Variants in NDST4 observed in about 807,000 individuals in gnomAD.
NDST4 encodes N-deacetylase and N-sulfotransferase 4, also known as N-heparan sulfate sulfotransferase 4.
Under a neutral mutation model 100.8 loss-of-function variants are expected in NDST4, and 63 were observed. The observed-to-expected ratio is 0.62, with a 90% confidence interval of 0.51 to 0.77. The LOEUF is 0.77. NDST4 is among the 30% of genes least tolerant of loss of function. The pLI, the probability that NDST4 is intolerant of heterozygous loss-of-function variation, is 0.00. For synonymous variants in NDST4, 377 were observed against 361.8 expected (o/e 1.04, Z -0.48); for missense variants, 943 against 1,018.4 (o/e 0.93, Z 1.01).
At chr4:114,928,818 T>A in intron 6 of NDST4, among the ~76,000 whole-genome samples, 1 of 152,086 alleles carries the variant, frequency 6.6e-6, no homozygotes, top group Non-Finnish European at 1.5e-5. Flanking sequence ...ACACTGTTTT[T>A]TCTTCTCTGC....
chr4:114,977,259 G>C lies in NDST4; in HGVS notation c.994C>G (p.Gln332Glu). ...VKDVKALLET[Q>E]NLLRTQVANF... Reference sequence around the variant, plus strand: ...GCAACCTGAGTGCGCAGTAAATTTTGAGTCTCTAGTAATGCCTGAAATAAA... The same window carrying C: ...GCAACCTGAGTGCGCAGTAAATTTTCAGTCTCTAGTAATGCCTGAAATAAA... Residue 332 changes from glutamine (Q) to glutamate (E), a missense_variant, in exon 3 of 14, where the codon CAA (glutamine) becomes GAA (glutamate). Around this residue, in one of 2 missense-constraint regions of NDST4, gnomAD observed 417 missense variants for 384.2 expected, o/e 1.09. Coordinates refer to ENST00000264363, the MANE Select transcript of NDST4 (RefSeq NM_022569.3). The C allele has an allele frequency of 1.2e-6, 2 of 1,607,552 alleles. No individual in the cohort carries two copies. Among genetic ancestry groups the C allele is most frequent in the Non-Finnish European group, 8.5e-7 (1 of 1,175,670 alleles).
intron 2 of NDST4, among the ~76,000 whole-genome samples, chr4:114,977,858 C>T (rs1726673013): frequency 1.3e-5 from 2 of 151,860 alleles, no homozygotes; most frequent in Admixed American, 1.3e-4. Context: ...AATAGATACC[C>T]CTTTTTGTTA....
chr4:114,935,711 G>A (rs1380164840), intron 5 of NDST4, among the ~76,000 whole-genome samples: 4 of 152,158 alleles, frequency 2.6e-5, no homozygotes, highest in South Asian at 4.2e-4. Context: ...TTCTGAAATC[G>A]AGTCCTGCAT....
chr4:115,071,013 G>C (rs566819818), intron 2 of NDST4, among the ~76,000 whole-genome samples: 1 of 152,040 alleles, frequency 6.6e-6, no homozygotes, highest in East Asian at 1.9e-4. Context: ...GCTGAGGCAG[G>C]AGAATTGCTT....
intron 2 of NDST4, among the ~76,000 whole-genome samples, chr4:115,019,851 T>C (rs1458666811): frequency 2.6e-5 from 4 of 152,080 alleles, no homozygotes; most frequent in Admixed American, 2.6e-4. Flanking sequence ...ACAAACTCAA[T>C]TGTGCTTTTG....
Position 114,872,230 on chromosome 4 carries a change from A to G in NDST4, c.1537-1280T>C, listed in dbSNP as rs182588823. 1.1e-3 allele frequency among the ~76,000 whole-genome samples: 174 copies of G among 152,124 alleles called. 2 individuals are homozygous for G. The highest frequency in any genetic ancestry group is 3.9e-3 in the African/African-American group (163 of 41,554). ...TAAATGTCTAAAGAGGAGGCCTTTTATCTTAAAAAATAATAGAAGCATTAT... is the reference window on the plus strand; with the variant it reads ...TAAATGTCTAAAGAGGAGGCCTTTTGTCTTAAAAAATAATAGAAGCATTAT... On this transcript the variant is annotated intron_variant, in intron 6 of 13. Coordinates refer to ENST00000264363, the MANE Select transcript of NDST4 (RefSeq NM_022569.3).
intron 7 of NDST4, 150 bp downstream of exon 7, chr4:114,870,618 G>A: frequency 1.7e-6 from 1 of 583,452 alleles, no homozygotes. Context: ...AGCAAAAATT[G>A]TTGAGGAAGA....
chr4:115,059,402 G>A (rs1389072400), intron 2 of NDST4, among the ~76,000 whole-genome samples: 1 of 152,018 alleles, frequency 6.6e-6, no homozygotes, highest in African/African-American at 2.4e-5. Context: ...ATGGAAAAGG[G>A]TTTCATATGG....
intron 7 of NDST4, among the ~76,000 whole-genome samples, chr4:114,866,404 C>G (rs1724026651): frequency 6.6e-6 from 1 of 152,148 alleles, no homozygotes; most frequent in Admixed American, 6.5e-5. Flanking sequence ...TCCTAATTGC[C>G]TATCAAATTC....
intron 2 of NDST4, among the ~76,000 whole-genome samples, chr4:115,029,457 C>A (rs111656324): frequency 6.6e-6 from 1 of 152,036 alleles, no homozygotes; most frequent in East Asian, 1.9e-4. Flanking sequence ...AGATTGGAAC[C>A]AGAAAAAAGT....
At chr4:115,061,098 G>T (rs1270048240) in intron 2 of NDST4, among the ~76,000 whole-genome samples, 2 of 152,040 alleles carry the variant, frequency 1.3e-5, no homozygotes, top group African/African-American at 4.8e-5. Context: ...TTAGAGAAAT[G>T]CAAATCAAAA....
chr4:115,107,853 T>C (rs1729861885), intron 1 of NDST4, among the ~76,000 whole-genome samples: 1 of 152,052 alleles, frequency 6.6e-6, no homozygotes, highest in Non-Finnish European at 1.5e-5. Context: ...GAAAAATATG[T>C]CCAGACAGAT....
At chr4:115,071,313 CACACACATT>C (rs1729074049) in intron 2 of NDST4, among the ~76,000 whole-genome samples, 1 of 146,164 alleles carries the variant, frequency 6.8e-6, no homozygotes, top group Non-Finnish European at 1.5e-5. Flanking sequence ...CACACACACA[CACACACATT>C]GATAGAGGGA....
chr4:115,001,941 C>T (rs538491078), intron 2 of NDST4, among the ~76,000 whole-genome samples: 2 of 152,300 alleles, frequency 1.3e-5, no homozygotes, highest in African/African-American at 4.8e-5. Context: ...TACTCCGTTA[C>T]TTATAAGCTC....
At chr4:114,952,897 T>TA in intron 4 of NDST4, among the ~76,000 whole-genome samples, 1 of 152,256 alleles carries the variant, frequency 6.6e-6, no homozygotes, top group East Asian at 1.9e-4. Context: ...TAAAGGTGAG[T>TA]AAGTTTTTCA....
chr4:114,857,883 G>T (rs1723832911), intron 7 of NDST4, among the ~76,000 whole-genome samples: 1 of 152,016 alleles, frequency 6.6e-6, no homozygotes, highest in South Asian at 2.1e-4. Flanking sequence ...ACCTATGATA[G>T]TGTCCAAAGT....
chr4:115,005,293 C>T (rs1319930313), intron 2 of NDST4, among the ~76,000 whole-genome samples: 1 of 152,062 alleles, frequency 6.6e-6, no homozygotes, highest in African/African-American at 2.4e-5. Context: ...TACATAATAT[C>T]ATAGAGATTA....
intron 1 of NDST4, among the ~76,000 whole-genome samples, chr4:115,093,377 A>T (rs1251839978): frequency 6.6e-6 from 1 of 152,058 alleles, no homozygotes; most frequent in Non-Finnish European, 1.5e-5. Flanking sequence ...CTAGAGGCTG[A>T]GGCAGGAGAA....
At chr4:114,954,751 C>A (rs777341168) in intron 4 of NDST4, among the ~76,000 whole-genome samples, 3 of 151,898 alleles carry the variant, frequency 2.0e-5, no homozygotes, top group Admixed American at 6.6e-5. Flanking sequence ...TTGTAATCTC[C>A]AGCGTTGGAG....
Sources: allele counts gnomAD v4.1 joint callset (sites outside exome capture counted in the v4.1 genomes callset), GRCh38; gene constraint gnomAD v4.1.1; regional missense constraint gnomAD v4.1.1; transcripts MANE v1.5; gene names NCBI Gene and HGNC (gene_info 2026-07-23, HGNC 2026-07-21).